The following PCDHA10 variants were observed in gnomAD, a reference collection of about 807,000 sequenced individuals.
The protein encoded by PCDHA10 is protocadherin alpha 10, also known as protocadherin alpha-10.
PCDHA10 carries 45 observed loss-of-function variants against 61.2 expected under a neutral mutation model. The observed-to-expected ratio is 0.74, with a 90% CI of 0.58 to 0.94. The LOEUF is 0.94. PCDHA10 is among the 40% of genes least tolerant of loss of function. The pLI is 0.00. For missense variants in PCDHA10, 1,278 were observed against 1,236.2 expected (o/e 1.03, Z -0.51); for synonymous variants, 602 against 548.8 (o/e 1.10, Z -1.35).
At chr5:140,867,360 T>C (rs1172405251) in intron 1 of PCDHA10, 1 of 152,152 alleles carries the variant, frequency 6.6e-6, no homozygotes, top group Non-Finnish European at 1.5e-5. Flanking sequence ...TTGATTATTT[T>C]ACAGATGCGT....
chr5:140,885,049 A>T (rs1001120267), intron 1 of PCDHA10, among the ~76,000 whole-genome samples: 56 of 152,352 alleles, frequency 3.7e-4, no homozygotes, highest in African/African-American at 1.2e-3. Context: ...TTTAATGTAT[A>T]CATATACCCA....
chr5:140,877,285 G>T lies in PCDHA10; in HGVS notation c.2388+18849G>T, dbSNP rs76220347. 4.6e-3 allele frequency: 7,403 copies of T among 1,613,898 alleles called. 23 individuals carry two copies. Among genetic ancestry groups the T allele is most frequent in the Middle Eastern group, 7.1e-3 (43 of 6,038 alleles). ...GGTGGACGCTGACTCCGGCTATAAC[G>T]CTTGGCTGTCCTACGAGTTGCAACC... On this transcript the variant is annotated intron_variant, in intron 1 of 3. Coordinates refer to ENST00000307360, the MANE Select transcript of PCDHA10 (RefSeq NM_018901.4).
intron 1 of PCDHA10, among the ~76,000 whole-genome samples, chr5:140,964,284 A>C (rs190870993): frequency 6.6e-6 from 1 of 152,362 alleles, no homozygotes; most frequent in East Asian, 1.9e-4. Context: ...AGTAAATTCT[A>C]GCTGGAGCTA....
chr5:140,941,225 T>TTC (rs2092914120), intron 1 of PCDHA10, among the ~76,000 whole-genome samples: 17 of 138,026 alleles, frequency 1.2e-4, no homozygotes, highest in African/African-American at 4.7e-4. Context: ...CTTTCTTTCT[T>TTC]TCTTTCTTTC....
chr5:140,863,264 C>A (rs1432032847), intron 1 of PCDHA10: 2 of 1,454,796 alleles, frequency 1.4e-6, no homozygotes, highest in African/African-American at 1.4e-5. Context: ...GTCCGGGAGG[C>A]AGCGCTGGTG....
At chr5:140,917,522 G>A (rs931609211) in intron 1 of PCDHA10, among the ~76,000 whole-genome samples, 1 of 152,144 alleles carries the variant, frequency 6.6e-6, no homozygotes, top group Non-Finnish European at 1.5e-5. Context: ...TTTATTCTAC[G>A]GTTTGTATAG....
intron 1 of PCDHA10, among the ~76,000 whole-genome samples, chr5:140,963,640 CT>C (rs1426012343): frequency 6.6e-6 from 1 of 152,164 alleles, no homozygotes; most frequent in African/African-American, 2.4e-5. Flanking sequence ...CGCATCTTCC[CT>C]ATCATGGTTG....
chr5:140,921,932 TAATTTTACACTTGTAA>T (rs781950121), intron 1 of PCDHA10, among the ~76,000 whole-genome samples: 10 of 152,080 alleles, frequency 6.6e-5, no homozygotes, highest in Non-Finnish European at 1.5e-4. Flanking sequence ...ATAGTCAATA[TAATTTTACACTTGTAA>T]AATCCCAGAA....
chr5:141,011,997 A>G lies in PCDHA10; in HGVS notation c.*2060A>G, dbSNP rs2098422641. ...TGTCTACTTTTAGCTTCATTCTCCCATATTTTGAAGGGTGTGTAACTTCAG... is the reference window on the plus strand; with the variant it reads ...TGTCTACTTTTAGCTTCATTCTCCCGTATTTTGAAGGGTGTGTAACTTCAG... On this transcript the variant is annotated 3_prime_UTR_variant, in exon 4 of 4. Coordinates refer to ENST00000307360, the MANE Select transcript of PCDHA10 (RefSeq NM_018901.4). 1 of 153,712 alleles carries G rather than the reference A, an allele frequency of 6.5e-6. No homozygotes were observed. Among genetic ancestry groups the G allele is most frequent in the Non-Finnish European group, 1.5e-5 (1 of 68,034 alleles). 9.5% of individuals were successfully genotyped at this position (153,712 alleles called of 1,614,324 possible).
Position 140,927,111 on chromosome 5 carries a change from C to T in PCDHA10, c.2389-51838C>T. Reference sequence around the variant, plus strand: ...ACTTCGGGGTGGATCTACCCAGCGGCAATTTGGTGGTCAGAGAGCCGGCGG... The same window carrying T: ...ACTTCGGGGTGGATCTACCCAGCGGTAATTTGGTGGTCAGAGAGCCGGCGG... On this transcript the variant is annotated intron_variant, in intron 1 of 3. Transcript: ENST00000307360. The T allele has an allele frequency of 3.7e-6, 6 of 1,613,856 alleles. No individual in the cohort carries two copies. In the Middle Eastern group the frequency reaches 8.3e-4, roughly 222 times the overall value.
At chr5:140,918,042 A>C (rs1363704503) in intron 1 of PCDHA10, among the ~76,000 whole-genome samples, 1 of 152,088 alleles carries the variant, frequency 6.6e-6, no homozygotes, top group African/African-American at 2.4e-5. Flanking sequence ...AGGTCTTTCC[A>C]TTTGTTTTAT....
chr5:140,951,507 C>T (rs2094591964), intron 1 of PCDHA10, among the ~76,000 whole-genome samples: 1 of 151,952 alleles, frequency 6.6e-6, no homozygotes, highest in Admixed American at 6.6e-5. Context: ...AAAAGGAAAG[C>T]GGCTCATCTT....
rs74450843 is a variant in PCDHA10 at position 140,951,654 on chromosome 5, C to A, written c.2389-27295C>A. ...GCCCCATGATCTAATCACCTCCCAC[C>A]AGGGCCTGCCTACAAAATTGGGGAT... On this transcript the variant is annotated intron_variant, in intron 1 of 3. Coordinates refer to ENST00000307360, the MANE Select transcript of PCDHA10 (RefSeq NM_018901.4). 1.1e-4 allele frequency among the ~76,000 whole-genome samples: 16 copies of A among 152,248 alleles called. No homozygotes were observed. In the East Asian group the frequency reaches 3.1e-3, roughly 29 times the overall value.
intron 1 of PCDHA10, among the ~76,000 whole-genome samples, chr5:140,945,317 A>C (rs1322598969): frequency 1.3e-5 from 2 of 152,150 alleles, no homozygotes; most frequent in Non-Finnish European, 2.9e-5. Context: ...AAATAAATGG[A>C]AATATATTTT....
chr5:140,876,560 C>T (rs2056422143), intron 1 of PCDHA10: 2 of 1,614,068 alleles, frequency 1.2e-6, no homozygotes, highest in African/African-American at 2.7e-5. Flanking sequence ...CAAGAGGATG[C>T]TCAGGTGGGT....
chr5:140,990,342 C>A (rs2097389388), intron 3 of PCDHA10, among the ~76,000 whole-genome samples: 1 of 152,124 alleles, frequency 6.6e-6, no homozygotes, highest in Non-Finnish European at 1.5e-5. Flanking sequence ...TAAGTAAAGC[C>A]TGCCCTGTAC....
Position 140,936,624 on chromosome 5 carries a change from C to T in PCDHA10, c.2389-42325C>T, listed in dbSNP as rs186958884. On this transcript the variant is annotated intron_variant, in intron 1 of 3. Coordinates refer to ENST00000307360, the MANE Select transcript of PCDHA10 (RefSeq NM_018901.4). Reference sequence around the variant, plus strand: ...TCCTCGCTGCTACTGTGCAGTGCTACCTTTGTCATAAGCAACGTGACTTTA... The same window carrying T: ...TCCTCGCTGCTACTGTGCAGTGCTATCTTTGTCATAAGCAACGTGACTTTA... 2.3e-3 allele frequency among the ~76,000 whole-genome samples: 345 copies of T among 152,302 alleles called. 2 individuals are homozygous for T. Among genetic ancestry groups the T allele is most frequent in the South Asian group, 2.5e-3 (12 of 4,824 alleles).
At chr5:140,983,340 A>G (rs148799902) in intron 3 of PCDHA10, among the ~76,000 whole-genome samples, 114 of 152,358 alleles carry the variant, frequency 7.5e-4, no homozygotes, top group African/African-American at 2.2e-3. Flanking sequence ...TCACTAAAGC[A>G]GGGTCATGTA....
chr5:140,971,702 T>G (rs1411821487), intron 1 of PCDHA10, among the ~76,000 whole-genome samples: 6 of 152,138 alleles, frequency 3.9e-5, no homozygotes, highest in African/African-American at 1.4e-4. Flanking sequence ...CTAACCACCC[T>G]GCTATATAGA....
Sources: gnomAD v4.1 joint callset for allele counts (sites outside exome capture counted in the v4.1 genomes callset) on GRCh38, gnomAD v4.1.1 for gene constraint, MANE v1.5 for transcripts, NCBI Gene and HGNC (gene_info 2026-07-23, HGNC 2026-07-21) for gene names.